FAM234A: variants seen among roughly 807,000 people sequenced by gnomAD.
The protein encoded by FAM234A is protein FAM234A.
FAM234A carries 42 observed loss-of-function variants against 49.1 expected under a neutral mutation model. The ratio of observed to expected loss-of-function variants is 0.86; its 90% confidence interval spans 0.67 to 1.11. The LOEUF (loss-of-function observed/expected upper bound fraction) is 1.11, where lower values mean the gene tolerates loss of function less well. Ranked by LOEUF, FAM234A falls within the 50% of genes least tolerant of loss-of-function variation. FAM234A has a pLI of 0.00. For synonymous variants in FAM234A, 369 were observed against 316.2 expected, an observed-to-expected ratio of 1.17 and a Z score of -1.77; for missense variants, 815 against 745.2, an observed-to-expected ratio of 1.09 and a Z score of -1.09.
rs779879274 is a variant in FAM234A, at chr16:259,509, G to C, written c.295G>C (p.Asp99His). 8.1e-6 allele frequency: 13 copies of C among 1,608,820 alleles called. No individual in the cohort carries two copies. The highest frequency in any genetic ancestry group is 1.3e-5 in the African/African-American group (1 of 74,794). The change falls in exon 4 of 13, where the codon GAT (aspartate) becomes CAT (histidine). Residue 99 changes from aspartate (D) to histidine (H), a missense_variant. Asp to His is a moderately conservative substitution (Grantham distance 81, BLOSUM62 -1). Transcript: ENST00000399932. Reference sequence around the variant, plus strand: ...TATCTATGACTTTCTGGCTGTGGATGATATAAACGGGGACAGGATCCAAGA... The same window carrying C: ...TATCTATGACTTTCTGGCTGTGGATCATATAAACGGGGACAGGATCCAAGA... ...AVIYDFLAVD[D>H]INGDRIQDVL... is the part of the protein sequence containing the mutation.
intron 1 of FAM234A, among the ~76,000 whole-genome samples, chr16:246,437 T>C: frequency 7.2e-6 from 1 of 138,516 alleles, no homozygotes; most frequent in South Asian, 2.4e-4. Flanking sequence ...TTTTTTTTTT[T>C]TTGAGATAGT....
At chr16:242,612 CTT>C (rs1352877144) in intron 1 of FAM234A, among the ~76,000 whole-genome samples, 1 of 137,834 alleles carries the variant, frequency 7.3e-6, no homozygotes, top group African/African-American at 2.7e-5. Flanking sequence ...GTGTCAGCTC[CTT>C]TTTTTTTTTT....
At chr16:261,333 C>G (rs1290890562) in intron 5 of FAM234A, 51 bp from the exon 6 acceptor site, 1 of 1,582,268 alleles carries the variant, frequency 6.3e-7, no homozygotes, top group African/African-American at 1.3e-5. Flanking sequence ...TGCCGGGCTG[C>G]TGTTGAAGGG....
intron 1 of FAM234A, among the ~76,000 whole-genome samples, chr16:247,645 C>T (rs2050860836): frequency 6.6e-6 from 1 of 151,936 alleles, no homozygotes; most frequent in Admixed American, 6.6e-5. Flanking sequence ...GTTGGCCAGG[C>T]TGGTCTCGAA....
At chr16:259,871 G>T in intron 4 of FAM234A, 98 bp from the exon 5 acceptor site, 1 of 1,089,050 alleles carries the variant, frequency 9.2e-7, no homozygotes, top group Non-Finnish European at 1.4e-6. Flanking sequence ...GCCTAGGAGA[G>T]GTGTGAGGAA....
intron 1 of FAM234A, among the ~76,000 whole-genome samples, chr16:239,099 A>G (rs1162313972): frequency 1.0e-5 from 1 of 98,592 alleles, no homozygotes; most frequent in Non-Finnish European, 2.1e-5. Context: ...AAAAAAAAAT[A>G]CCATCCTGGC....
chr16:266,186 G>A (rs146931241), downstream of FAM234A: 37 of 842,296 alleles, frequency 4.4e-5, no homozygotes, highest in African/African-American at 6.8e-4. Flanking sequence ...CTGGAGGAGT[G>A]ACCAGGAATT....
rs186022549 is a variant in FAM234A, at chr16:247,742, A to G, written c.-139-1807A>G. Among the ~76,000 whole-genome samples the G allele has an allele frequency of 5.9e-5, 9 of 152,126 alleles. No homozygotes were observed. In the East Asian group the frequency reaches 1.7e-3, roughly 29 times the overall value. ...GCCACCGCGCCTGGCCTTATTAATGATTTTTAAATCAGTTTCTCACAAACT... is the reference window on the plus strand; with the variant it reads ...GCCACCGCGCCTGGCCTTATTAATGGTTTTTAAATCAGTTTCTCACAAACT... On this transcript the variant is annotated intron_variant, in intron 1 of 12. Transcript: ENST00000399932.
chr16:268,664 C>T, downstream of FAM234A: 1 of 1,135,320 alleles, frequency 8.8e-7, no homozygotes, highest in Non-Finnish European at 1.3e-6. Context: ...GGTGCCGGCG[C>T]ACCTGTGGAC....
At chr16:264,771 G>C in intron 12 of FAM234A, 40 bp from the exon 13 acceptor site, 1 of 1,607,158 alleles carries the variant, frequency 6.2e-7, no homozygotes, top group East Asian at 2.2e-5. Context: ...GCCCTGGCTG[G>C]TCCTGAGCCG....
chr16:263,413 TC>T lies in FAM234A; in HGVS notation c.1112+15del, dbSNP rs1235138117. 1 of 1,606,872 alleles carries T rather than the reference TC, an allele frequency of 6.2e-7. No homozygotes were observed. The highest frequency in any genetic ancestry group is 8.5e-7 in the Non-Finnish European group (1 of 1,179,854). ...AGCCCATGTCCTGAGGTACAGGGTT[TC>T]CCCAAGGACCGCGCAGGTGCTGCAC... On this transcript the variant is annotated intron_variant, in intron 9 of 12. Transcript: ENST00000399932.
intron 2 of FAM234A, chr16:254,120 G>T: frequency 2.4e-6 from 1 of 417,380 alleles, no homozygotes; most frequent in Non-Finnish European, 4.4e-6. Context: ...GGAAGCACCA[G>T]CGTGTTCTGG....
intron 2 of FAM234A, among the ~76,000 whole-genome samples, chr16:251,611 C>G (rs994147055): frequency 1.5e-4 from 22 of 150,008 alleles, no homozygotes; most frequent in South Asian, 6.3e-4. Flanking sequence ...CTCCTGAGGT[C>G]AAGCACTCCA....
downstream of FAM234A, chr16:268,909 G>A (rs761339296): frequency 5.8e-6 from 9 of 1,550,546 alleles, no homozygotes; most frequent in Non-Finnish European, 7.8e-6. Flanking sequence ...TTCGCTGGCT[G>A]ATTTACTGGT....
rs555960959 is a variant in FAM234A, at chr16:237,557, C to T, written c.-140+2700C>T. 3.6e-4 allele frequency among the ~76,000 whole-genome samples: 55 copies of T among 152,210 alleles called. 1 individual carries two copies. The highest frequency in any genetic ancestry group is 3.2e-3 in the Admixed American group (49 of 15,278). The stretch of plus-strand genomic sequence containing the variant: ...TCACAAGGCTAGTGACTGGAAGCCT[C>T]AGTTCCCTCTTGGCTGGTGGCAGGA... On this transcript the variant is annotated intron_variant, in intron 1 of 12. Transcript: ENST00000399932.
Position 263,740 on chromosome 16 carries a change from G to C in FAM234A, c.1153G>C (p.Val385Leu), listed in dbSNP as rs2051578397. ...FGRYKPDTLA[V>L]AVENGTGTDR... ...CCGCTACAAACCAGACACCTTGGCT[G>C]TAGCCGTTGAAAACGGAACTGGCAC... Residue 385 changes from valine to leucine, a missense_variant, in exon 10 of 13, where the codon GTA (valine) becomes CTA (leucine). Coordinates refer to ENST00000399932, the MANE Select transcript of FAM234A (RefSeq NM_032039.4). 2 of 1,614,086 alleles carry C rather than the reference G, an allele frequency of 1.2e-6. No homozygotes were observed. The highest frequency in any genetic ancestry group is 1.7e-6 in the Non-Finnish European group (2 of 1,179,958).
chr16:241,151 G>A (rs575695300), intron 1 of FAM234A, among the ~76,000 whole-genome samples: 4 of 152,000 alleles, frequency 2.6e-5, no homozygotes, highest in East Asian at 1.9e-4. Flanking sequence ...GAACTCCTGC[G>A]CTCGAGTGAT....
downstream of FAM234A, chr16:268,507 C>T (rs919287896): frequency 9.2e-6 from 5 of 540,894 alleles, no homozygotes; most frequent in Non-Finnish European, 1.7e-5. Context: ...GGGAGCAAGG[C>T]CAGCTCACGA....
In FAM234A at chr16:261,480, C is replaced by G. The variant is rs200842636; in HGVS notation, c.674C>G (p.Pro225Arg). The G allele has an allele frequency of 3.8e-4, 605 of 1,611,914 alleles. 1 individual carries two copies. The highest frequency in any genetic ancestry group is 4.6e-4 in the Non-Finnish European group (544 of 1,179,396). ...QVPDVDGDGA[P>R]DLLVLTQERE... ...CCTGATGTGGACGGCGATGGGGCCC[C>G]AGACCTGCTGGTTCTCACCCAGGAG... is the stretch of plus-strand genomic sequence containing the variant. Residue 225 changes from proline (P) to arginine (R), a missense_variant, in exon 6 of 13, where the codon CCA becomes CGA. Pro to Arg is a moderately radical substitution (Grantham distance 103, BLOSUM62 -2). Transcript: ENST00000399932.
Sources: allele counts gnomAD v4.1 joint callset (sites outside exome capture counted in the v4.1 genomes callset), GRCh38; gene constraint gnomAD v4.1.1; transcripts MANE v1.5; gene names NCBI Gene and HGNC (gene_info 2026-07-23, HGNC 2026-07-21).